The following RPH3A variants were observed in gnomAD, a reference collection of about 807,000 sequenced individuals.
RPH3A encodes rabphilin-3A.
In RPH3A, 48 loss-of-function variants were observed where a neutral mutation model predicts 102.2. The ratio of observed to expected loss-of-function variants is 0.47; its 90% CI spans 0.37 to 0.60. The LOEUF is 0.60. Among genes scored for constraint, RPH3A ranks in the 20% least tolerant of loss-of-function variants. RPH3A has a pLI of 0.00. For missense variants in RPH3A, 781 were observed against 910.1 expected, an observed-to-expected ratio of 0.86 and a Z score of 1.83; for synonymous variants, 310 against 324.3, an observed-to-expected ratio of 0.96 and a Z score of 0.47.
At position 112,851,330 on chromosome 12, in the gene RPH3A, T is replaced by A. The variant is rs1183074214; in HGVS notation, c.230+3488T>A. Among the ~76,000 whole-genome samples the A allele has an allele frequency of 4.6e-5, 7 of 152,308 alleles. No homozygotes were observed. In the South Asian group the frequency reaches 1.5e-3, roughly 32 times the overall value. ...GAACTATGCTCTTAAATGTCTGAGA[T>A]GTTTTTCCTGAAGATGTGTTGCAAA... On this transcript the variant is annotated intron_variant, in intron 5 of 21. Coordinates refer to ENST00000389385, the MANE Select transcript of RPH3A (RefSeq NM_001143854.2).
At chr12:112,689,045 C>A (rs940561147) in intron 1 of RPH3A, among the ~76,000 whole-genome samples, 3 of 152,156 alleles carry the variant, frequency 2.0e-5, no homozygotes, top group Non-Finnish European at 4.4e-5. Context: ...TTTTCTCATG[C>A]AATTTTAATA....
chr12:112,821,172 G>A lies in RPH3A; in HGVS notation c.-18-7129G>A, dbSNP rs370290629. Among the ~76,000 whole-genome samples the A allele has an allele frequency of 3.6e-4, 55 of 152,250 alleles. 1 individual carries two copies. Among genetic ancestry groups the A allele is most frequent in the Middle Eastern group, 6.8e-3 (2 of 294 alleles). On this transcript the variant is annotated intron_variant, in intron 2 of 21. Coordinates refer to ENST00000389385, the MANE Select transcript of RPH3A (RefSeq NM_001143854.2). The stretch of plus-strand genomic sequence containing the variant: ...CGGGCAGGCAAGTGAAGGGGCACTC[G>A]GCTCCATCAAGCACAGTAGACAAAG...
At chr12:112,868,835 GT>G in intron 8 of RPH3A, 1 of 445,350 alleles carries the variant, frequency 2.2e-6, no homozygotes, top group Admixed American at 3.6e-5. Flanking sequence ...GTCATCCCTG[GT>G]GGCATATCTA....
chr12:112,857,730 T>C (rs1006633422), intron 5 of RPH3A, among the ~76,000 whole-genome samples: 6 of 152,194 alleles, frequency 3.9e-5, no homozygotes, highest in African/African-American at 1.2e-4. Context: ...AGAAAGCTAA[T>C]AGAGAGTGAT....
At chr12:112,685,657 C>T (rs961207498) in intron 1 of RPH3A, among the ~76,000 whole-genome samples, 1 of 152,100 alleles carries the variant, frequency 6.6e-6, no homozygotes, top group Non-Finnish European at 1.5e-5. Flanking sequence ...TCAGTTTTTC[C>T]CAGCCTTTGG....
intron 1 of RPH3A, chr12:112,718,015 G>A (rs1298008525): frequency 2.6e-5 from 4 of 152,122 alleles, no homozygotes; most frequent in East Asian, 3.9e-4. Flanking sequence ...GGCAACGTTC[G>A]TTCTACATAA....
intron 1 of RPH3A, among the ~76,000 whole-genome samples, chr12:112,609,292 G>A (rs1016679514): frequency 1.3e-5 from 2 of 152,154 alleles, no homozygotes; most frequent in Non-Finnish European, 2.9e-5. Flanking sequence ...GGTCTCAAAT[G>A]CCTGGCCTCA....
chr12:112,891,557 G>T (rs2136268715), intron 19 of RPH3A, among the ~76,000 whole-genome samples: 1 of 152,352 alleles, frequency 6.6e-6, no homozygotes, highest in East Asian at 1.9e-4. Flanking sequence ...ATTCCAGGAA[G>T]TCTGCAGGGA....
chr12:112,847,991 C>A, intron 5 of RPH3A, 149 bp downstream of exon 5: 2 of 763,528 alleles, frequency 2.6e-6, no homozygotes, highest in Non-Finnish European at 4.2e-6. Flanking sequence ...CCCGCCCCAC[C>A]CCCTTCCCCA....
At position 112,848,285 on chromosome 12, in the gene RPH3A, G is replaced by C. The variant is rs144769738; in HGVS notation, c.230+443G>C. On this transcript the variant is annotated intron_variant, in intron 5 of 21. Coordinates refer to ENST00000389385, the MANE Select transcript of RPH3A (RefSeq NM_001143854.2). ...GTCAGAAGGTACAGCTGAGGGCAAG[G>C]TTAGGAGGACAGAGAGTAGGTAAAA... 4.2e-3 allele frequency among the ~76,000 whole-genome samples: 632 copies of C among 152,274 alleles called. 2 individuals are homozygous for C. Among genetic ancestry groups the C allele is most frequent in the African/African-American group, 0.015 (608 of 41,538 alleles).
intron 1 of RPH3A, among the ~76,000 whole-genome samples, chr12:112,677,391 CTCCCTCCCTCCCTCCCTCCTTCCCTCCT>C (rs2040185565): frequency 3.4e-5 from 2 of 58,166 alleles, no homozygotes; most frequent in Non-Finnish European, 6.9e-5. Context: ...CCCTCCCTCC[CTCCCTCCCTCCCTCCCTCCTTCCCTCCT>C]TCCTTCCTTC....
At position 112,694,642 on chromosome 12, in the gene RPH3A, G is replaced by A. The variant is rs1051150216; in HGVS notation, c.-139-97501G>A. On this transcript the variant is annotated intron_variant, in intron 1 of 21. Coordinates refer to the RPH3A transcript ENST00000543106. ...GACAAAGACACACGCACGCGCGCGC[G>A]CGCACACGCACACACACACACACAC... Among the ~76,000 whole-genome samples, 17 of 140,422 alleles carry A rather than the reference G, an allele frequency of 1.2e-4. No individual in the cohort carries two copies. In the East Asian group the frequency reaches 1.9e-3, roughly 15 times the overall value. The allele number at this position is 140,422 out of a possible 152,430, so 92.1% of individuals were successfully genotyped here. A position where few individuals can be genotyped will look rare whatever the true frequency, so the allele number is the denominator to read the frequency against.
intron 1 of RPH3A, among the ~76,000 whole-genome samples, chr12:112,743,183 G>T (rs547387984): frequency 1.3e-5 from 2 of 152,262 alleles, no homozygotes; most frequent in Non-Finnish European, 2.9e-5. Context: ...GCTGGGTAAG[G>T]TAACATAGTC....
rs78910226 is a variant in RPH3A at position 112,883,323 on chromosome 12, A to G, written c.1357A>G (p.Asn453Asp). ...SNKLRTKTLR[N>D]TRNPIWNETL... ...CAAGCTTCGTACAAAAACTCTGCGG[A>G]ATACCCGGAACCCCATCTGGAATGA... Residue 453 changes from asparagine to aspartate, a missense_variant, in exon 16 of 22, where the codon AAT becomes GAT. This residue lies in a region of RPH3A where 730 missense variants were observed against 810.0 expected (regional missense o/e 0.90). Transcript: ENST00000389385. 1 of 1,614,092 alleles carries G rather than the reference A, an allele frequency of 6.2e-7. No individual in the cohort carries two copies. The highest frequency in any genetic ancestry group is 2.2e-5 in the East Asian group (1 of 44,872).
intron 4 of RPH3A, among the ~76,000 whole-genome samples, chr12:112,844,377 CT>C (rs1381443599): frequency 6.6e-6 from 1 of 152,168 alleles, no homozygotes; most frequent in African/African-American, 2.4e-5. Context: ...GGGGTAGGGA[CT>C]CTCTCAACAG....
chr12:112,813,609 T>C (rs774867495), intron 2 of RPH3A, among the ~76,000 whole-genome samples: 4 of 152,114 alleles, frequency 2.6e-5, no homozygotes, highest in Admixed American at 2.6e-4. Context: ...TGCTAAAATG[T>C]GATTCGGGAG....
At chr12:112,577,058 A>G (rs2039365813) in intron 1 of RPH3A, among the ~76,000 whole-genome samples, 1 of 151,990 alleles carries the variant, frequency 6.6e-6, no homozygotes, top group Non-Finnish European at 1.5e-5. Context: ...GGCATGTGCC[A>G]CTGTTACCGG....
chr12:112,798,992 T>C (rs1453702981), intron 2 of RPH3A, among the ~76,000 whole-genome samples: 1 of 152,182 alleles, frequency 6.6e-6, no homozygotes, highest in African/African-American at 2.4e-5. Context: ...CATTTGTGAA[T>C]TCATGAGACT....
intron 1 of RPH3A, among the ~76,000 whole-genome samples, chr12:112,715,579 G>T (rs1467387737): frequency 6.6e-6 from 1 of 152,148 alleles, no homozygotes; most frequent in Admixed American, 6.5e-5. Flanking sequence ...TTTGCATTAT[G>T]TGAAGACTTT....
Sources: gnomAD v4.1 joint callset for allele counts (sites outside exome capture counted in the v4.1 genomes callset) on GRCh38, gnomAD v4.1.1 for gene constraint, gnomAD v4.1.1 regional missense constraint, MANE v1.5 for transcripts, NCBI Gene and HGNC (gene_info 2026-07-23, HGNC 2026-07-21) for gene names.